The following SORCS3 variants were observed in gnomAD, a reference collection of about 807,000 sequenced individuals.
SORCS3 encodes the protein sortilin related VPS10 domain containing receptor 3.
Under a neutral mutation model 146.3 loss-of-function variants are expected in SORCS3, and 57 were observed. The observed-to-expected ratio is 0.39, with a 90% CI of 0.31 to 0.49. The LOEUF is 0.49. SORCS3 is among the 20% of genes least tolerant of loss of function. SORCS3 has a pLI of 0.92. For missense variants in SORCS3, 1,341 were observed against 1,575.5 expected, an observed-to-expected ratio of 0.85 and a Z score of 2.52; for synonymous variants, 653 against 618.5, an observed-to-expected ratio of 1.06 and a Z score of -0.83.
At chr10:104,760,746 G>C (rs376993114) in intron 1 of SORCS3, among the ~76,000 whole-genome samples, 3 of 152,136 alleles carry the variant, frequency 2.0e-5, no homozygotes, top group African/African-American at 7.2e-5. Flanking sequence ...TAGATAGGAA[G>C]GAAACAGCTA....
chr10:104,889,101 A>G (rs997506732), intron 2 of SORCS3, among the ~76,000 whole-genome samples: 3 of 152,110 alleles, frequency 2.0e-5, no homozygotes, highest in Non-Finnish European at 2.9e-5. Context: ...CTTGGTATTC[A>G]TATAGCTACT....
At chr10:104,871,338 A>G (rs2018516764) in intron 2 of SORCS3, among the ~76,000 whole-genome samples, 1 of 152,164 alleles carries the variant, frequency 6.6e-6, no homozygotes, top group Non-Finnish European at 1.5e-5. Flanking sequence ...AGAAAAGTGG[A>G]AAGTCCGCTC....
At chr10:105,234,634 C>T (rs1293107927) in intron 20 of SORCS3, among the ~76,000 whole-genome samples, 1 of 151,414 alleles carries the variant, frequency 6.6e-6, no homozygotes, top group Non-Finnish European at 1.5e-5. Context: ...GATTCTTCCT[C>T]AGCTGTGTTC....
chr10:104,773,502 C>T (rs186062139), intron 1 of SORCS3, among the ~76,000 whole-genome samples: 1 of 152,314 alleles, frequency 6.6e-6, no homozygotes, highest in Admixed American at 6.5e-5. Flanking sequence ...AATCTGGGCT[C>T]TTCTATTTTT....
At chr10:104,874,973 TCA>T (rs2018556199) in intron 2 of SORCS3, among the ~76,000 whole-genome samples, 1 of 152,208 alleles carries the variant, frequency 6.6e-6, no homozygotes, top group Non-Finnish European at 1.5e-5. Flanking sequence ...CACTATGTGA[TCA>T]CAGTCTCCTA....
At position 105,105,406 on chromosome 10, in the gene SORCS3, A is replaced by G; in HGVS notation, c.1103A>G (p.Tyr368Cys). The change falls in exon 7 of 27, where the codon TAC becomes TGC. Residue 368 changes from tyrosine to cysteine, a missense_variant. Transcript: ENST00000369701. ...TACCCTCCTGTTTCAGATGCTCACT[A>G]CCTCACCTGCAGGATCCAGGAATGT... ...EVRTTDGYAH[Y>C]LTCRIQECAE... 6.2e-7 allele frequency: 1 copy of G among 1,612,646 alleles called. No homozygotes were observed. Among genetic ancestry groups the G allele is most frequent in the Non-Finnish European group, 8.5e-7 (1 of 1,178,884 alleles).
At chr10:105,037,380 T>C (rs1201405034) in intron 4 of SORCS3, among the ~76,000 whole-genome samples, 5 of 152,196 alleles carry the variant, frequency 3.3e-5, no homozygotes, top group Non-Finnish European at 7.3e-5. Flanking sequence ...ACTTGGTGAC[T>C]TGAAGTAACA....
chr10:104,666,479 T>C (rs577693545), intron 1 of SORCS3, among the ~76,000 whole-genome samples: 1 of 152,306 alleles, frequency 6.6e-6, no homozygotes, highest in East Asian at 1.9e-4. Flanking sequence ...AATCTAACCA[T>C]GAGCCACAGG....
chr10:104,904,607 A>G (rs930104049), intron 2 of SORCS3, among the ~76,000 whole-genome samples: 4 of 151,982 alleles, frequency 2.6e-5, no homozygotes, highest in African/African-American at 7.3e-5. Flanking sequence ...AAATAAAATG[A>G]TATTTTTGAA....
chr10:105,172,471 T>G (rs189362877), intron 13 of SORCS3, among the ~76,000 whole-genome samples: 2 of 152,206 alleles, frequency 1.3e-5, no homozygotes, highest in African/African-American at 4.8e-5. Context: ...CCTTATTCTA[T>G]CTGTATGTTA....
intron 7 of SORCS3, among the ~76,000 whole-genome samples, chr10:105,120,702 C>G (rs1405546683): frequency 6.6e-6 from 1 of 152,162 alleles, no homozygotes; most frequent in African/African-American, 2.4e-5. Flanking sequence ...TTCCTTTAAT[C>G]TCAGAGAACG....
chr10:104,955,319 G>A lies in SORCS3; in HGVS notation c.796-22016G>A, dbSNP rs894160826. 6.2e-4 allele frequency among the ~76,000 whole-genome samples: 93 copies of A among 150,254 alleles called. 1 individual carries two copies. Among genetic ancestry groups the A allele is most frequent in the Non-Finnish European group, 4.4e-5 (3 of 67,422 alleles). ...GCTTCTTACCTGCCATAGTGTTTTC[G>A]AAGTTTTTTTCATATTGTAGCATGT... On this transcript the variant is annotated intron_variant, in intron 3 of 26. Transcript: ENST00000369701.
intron 1 of SORCS3, among the ~76,000 whole-genome samples, chr10:104,794,138 C>T (rs569187876): frequency 6.6e-5 from 10 of 152,260 alleles, no homozygotes; most frequent in Admixed American, 1.3e-4. Context: ...TCTAAGATCT[C>T]CCCAACAGGG....
intron 7 of SORCS3, among the ~76,000 whole-genome samples, chr10:105,114,103 G>A (rs1221358914): frequency 6.6e-6 from 1 of 152,036 alleles, no homozygotes; most frequent in African/African-American, 2.4e-5. Flanking sequence ...TTGCTACTAG[G>A]GAATGTGATG....
intron 4 of SORCS3, among the ~76,000 whole-genome samples, chr10:105,028,385 G>A (rs2055244200): frequency 6.6e-6 from 1 of 152,110 alleles, no homozygotes; most frequent in Admixed American, 6.5e-5. Context: ...CAGTTTCCTG[G>A]GACTTTATTA....
chr10:104,968,110 G>A (rs770981658), intron 3 of SORCS3, among the ~76,000 whole-genome samples: 1 of 151,924 alleles, frequency 6.6e-6, no homozygotes, highest in Non-Finnish European at 1.5e-5. Context: ...TTCTCTAGAT[G>A]AGATAACAGA....
chr10:104,998,041 G>A (rs1488922693), intron 4 of SORCS3, among the ~76,000 whole-genome samples: 1 of 152,116 alleles, frequency 6.6e-6, no homozygotes, highest in Non-Finnish European at 1.5e-5. Context: ...ACCAGTGAAA[G>A]GAACCTACCG....
At chr10:105,206,333 T>A (rs1485930795) in intron 16 of SORCS3, among the ~76,000 whole-genome samples, 1 of 152,204 alleles carries the variant, frequency 6.6e-6, no homozygotes, top group African/African-American at 2.4e-5. Flanking sequence ...AAATAAAAAA[T>A]GTTATTCCTT....
intron 2 of SORCS3, among the ~76,000 whole-genome samples, chr10:104,856,091 G>A (rs987942199): frequency 6.6e-6 from 1 of 152,116 alleles, no homozygotes; most frequent in Non-Finnish European, 1.5e-5. Context: ...TTTTCTGAAT[G>A]CATCAGGAAA....
Sources: allele counts gnomAD v4.1 joint callset (sites outside exome capture counted in the v4.1 genomes callset), GRCh38; gene constraint gnomAD v4.1.1; transcripts MANE v1.5; gene names NCBI Gene and HGNC (gene_info 2026-07-23, HGNC 2026-07-21).